The following ADAD1 variants were observed in gnomAD, a reference collection of about 807,000 sequenced individuals.
ADAD1 encodes adenosine deaminase domain-containing protein 1.
In ADAD1, 46 loss-of-function variants were observed where a neutral mutation model predicts 66.8. The ratio of observed to expected loss-of-function variants is 0.69; its 90% CI spans 0.54 to 0.88. The LOEUF is 0.88. Ranked by LOEUF, ADAD1 falls within the 40% of genes least tolerant of loss-of-function variation. ADAD1 has a pLI of 0.00. For missense variants in ADAD1, 617 were observed against 681.8 expected, an observed-to-expected ratio of 0.91 and a Z score of 1.06; for synonymous variants, 248 against 229.4, an observed-to-expected ratio of 1.08 and a Z score of -0.73.
chr4:122,412,898 T>C, intron 10 of ADAD1, 89 bp downstream of exon 10: 1 of 1,094,700 alleles, frequency 9.1e-7, no homozygotes, highest in Non-Finnish European at 1.3e-6. Context: ...AGTTTTAGTT[T>C]TTGCATACGT....
In ADAD1 at chr4:122,393,490, A is replaced by G. The variant is rs1795551475; in HGVS notation, c.530-99A>G. 4 of 1,153,786 alleles carry G rather than the reference A, an allele frequency of 3.5e-6. No homozygotes were observed. In the East Asian group the frequency reaches 1.0e-4, roughly 29 times the overall value. The allele number at this position is 1,153,786 out of a possible 1,614,324, so 71.5% of individuals were successfully genotyped here. A position where few individuals can be genotyped will look rare whatever the true frequency, so the allele number is the denominator to read the frequency against. ...CAGAGTTGGCAAAAATACGGAAAAA[A>G]AAATTTTTGGATTGCTGTTTTATTA... On this transcript the variant is annotated intron_variant, in intron 5 of 12. Coordinates refer to ENST00000296513, the MANE Select transcript of ADAD1 (RefSeq NM_139243.4).
In ADAD1 at chr4:122,383,859, C is replaced by T; in HGVS notation, c.422C>T (p.Thr141Ile). The part of the protein sequence containing the change: ...CAVVDGIQYK[T>I]GLGQNKKESR... The stretch of plus-strand genomic sequence containing the variant: ...GTGGTGGATGGTATTCAGTACAAGA[C>T]TGGACTGGGACAAAATAAAAAGGAG... Residue 141 changes from threonine (T) to isoleucine (I), a missense_variant, in exon 5 of 13, where the codon ACT (threonine) becomes ATT (isoleucine). By Grantham distance (89) the Thr-to-Ile change is moderately conservative (BLOSUM62 -1). Coordinates refer to ENST00000296513, the MANE Select transcript of ADAD1 (RefSeq NM_139243.4). 6.2e-7 allele frequency: 1 copy of T among 1,613,932 alleles called. No homozygotes were observed. The highest frequency in any genetic ancestry group is 8.5e-7 in the Non-Finnish European group (1 of 1,179,912).
At chr4:122,382,109 G>C (rs896732571) in intron 4 of ADAD1, among the ~76,000 whole-genome samples, 1 of 152,146 alleles carries the variant, frequency 6.6e-6, no homozygotes, top group Admixed American at 6.5e-5. Flanking sequence ...CTTAATTTCC[G>C]TGTAACTAGT....
intron 10 of ADAD1, among the ~76,000 whole-genome samples, chr4:122,413,997 A>T (rs1396338807): frequency 6.7e-6 from 1 of 150,068 alleles, no homozygotes; most frequent in African/African-American, 2.4e-5. Flanking sequence ...TTTTTCAATT[A>T]TATGGTATAA....
chr4:122,380,469 C>A (rs1437069991), intron 3 of ADAD1: 7 of 521,664 alleles, frequency 1.3e-5, no homozygotes, highest in East Asian at 3.4e-5. Flanking sequence ...TCAAACCCCC[C>A]CCTTCAAGTG....
chr4:122,379,325 G>A (rs1794752218), intron 1 of ADAD1, 47 bp from the exon 2 acceptor site: 1 of 152,402 alleles, frequency 6.6e-6, no homozygotes, highest in African/African-American at 2.4e-5. Flanking sequence ...GGAGAACAGA[G>A]TCACCCAGGC....
In ADAD1 at chr4:122,407,944, A is replaced by C; in HGVS notation, c.761A>C (p.Glu254Ala). 1 of 1,613,834 alleles carries C rather than the reference A, an allele frequency of 6.2e-7. No homozygotes were observed. The highest frequency in any genetic ancestry group is 8.5e-7 in the Non-Finnish European group (1 of 1,179,802). ...GAGGTTGTAGCTATAGGCACAGGTG[A>C]ATACAATTACAGCCAGGACATTAAG... Reference protein sequence around the residue: ...QHEVVAIGTGEYNYSQDIKPD... With the variant: ...QHEVVAIGTGAYNYSQDIKPD... Residue 254 changes from glutamate (E) to alanine (A), a missense_variant, in exon 8 of 13, where the codon GAA (glutamate) becomes GCA (alanine). Physicochemically the swap from Glu to Ala is moderately radical, Grantham distance 107 (BLOSUM62 -1). Transcript: ENST00000296513.
chr4:122,415,598 G>A lies in ADAD1; in HGVS notation c.1469G>A (p.Ser490Asn), dbSNP rs757153184. 2 of 1,613,526 alleles carry A rather than the reference G, an allele frequency of 1.2e-6. No individual in the cohort carries two copies. Among genetic ancestry groups the A allele is most frequent in the South Asian group, 2.2e-5 (2 of 91,028 alleles). Reference sequence around the variant, plus strand: ...TCTTTGGAGATTGTGGATGGCCTGAGTGGGAAGATCACTGAAAGGTTAAAA... The same window carrying A: ...TCTTTGGAGATTGTGGATGGCCTGAATGGGAAGATCACTGAAAGGTTAAAA... Reference protein sequence around the residue: ...DVSLEIVDGLSGKITESSPFK... With the variant: ...DVSLEIVDGLNGKITESSPFK... The change falls in exon 11 of 13, where the codon AGT becomes AAT. Residue 490 changes from serine (S) to asparagine (N), a missense_variant. Transcript: ENST00000296513.
At chr4:122,389,125 C>G (rs1054503578) in intron 5 of ADAD1, among the ~76,000 whole-genome samples, 10 of 151,972 alleles carry the variant, frequency 6.6e-5, no homozygotes, top group Non-Finnish European at 1.2e-4. Flanking sequence ...CATTATTTAC[C>G]CAGGAGTCAT....
intron 12 of ADAD1, among the ~76,000 whole-genome samples, chr4:122,422,855 G>A (rs906748083): frequency 2.6e-5 from 4 of 151,532 alleles, no homozygotes; most frequent in African/African-American, 9.7e-5. Flanking sequence ...GGGAGGCTGA[G>A]GTGGGAGGAT....
chr4:122,393,809 T>C, intron 6 of ADAD1, 152 bp downstream of exon 6: 1 of 532,870 alleles, frequency 1.9e-6, no homozygotes, highest in South Asian at 5.7e-5. Flanking sequence ...AATTTTTTTC[T>C]ATACTATGCT....
intron 11 of ADAD1, among the ~76,000 whole-genome samples, chr4:122,418,974 T>C (rs1035906893): frequency 6.6e-6 from 1 of 152,186 alleles, no homozygotes; most frequent in African/African-American, 2.4e-5. Flanking sequence ...GTGTGGCAAT[T>C]CCTCAAAGAC....
intron 6 of ADAD1, among the ~76,000 whole-genome samples, chr4:122,395,671 A>G (rs1580757165): frequency 6.6e-6 from 1 of 152,212 alleles, no homozygotes; most frequent in East Asian, 1.9e-4. Context: ...TCTCAAAAAA[A>G]AAAAAAGGAT....
At chr4:122,386,684 C>G (rs1307452136) in intron 5 of ADAD1, among the ~76,000 whole-genome samples, 1 of 152,164 alleles carries the variant, frequency 6.6e-6, no homozygotes, top group South Asian at 2.1e-4. Context: ...ACATTTAAGT[C>G]TTTAATCCAT....
At chr4:122,408,352 T>C (rs1041065003) in intron 8 of ADAD1, among the ~76,000 whole-genome samples, 1 of 152,218 alleles carries the variant, frequency 6.6e-6, no homozygotes, top group Admixed American at 6.5e-5. Flanking sequence ...CTCGGCTTAC[T>C]GCAACCTCTG....
At chr4:122,381,844 A>G (rs1215091673) in intron 4 of ADAD1, among the ~76,000 whole-genome samples, 1 of 152,128 alleles carries the variant, frequency 6.6e-6, no homozygotes, top group Non-Finnish European at 1.5e-5. Flanking sequence ...AACTTTGTGT[A>G]TATGTACATG....
intron 11 of ADAD1, among the ~76,000 whole-genome samples, chr4:122,416,250 A>C (rs1796728231): frequency 6.6e-6 from 1 of 152,204 alleles, no homozygotes; most frequent in Non-Finnish European, 1.5e-5. Flanking sequence ...CTTGTTCTTA[A>C]CTATGATGTT....
intron 12 of ADAD1, among the ~76,000 whole-genome samples, chr4:122,423,074 C>T (rs1194369980): frequency 6.6e-6 from 1 of 151,662 alleles, no homozygotes; most frequent in Non-Finnish European, 1.5e-5. Context: ...TTCATTTTCT[C>T]ATTCTCATTT....
chr4:122,424,687 G>A (rs1010194644), intron 12 of ADAD1, among the ~76,000 whole-genome samples: 24 of 152,096 alleles, frequency 1.6e-4, no homozygotes, highest in Admixed American at 1.4e-3. Flanking sequence ...AAAGACATAA[G>A]ATGTGAGAAA....
Sources: allele counts gnomAD v4.1 joint callset (sites outside exome capture counted in the v4.1 genomes callset), GRCh38; gene constraint gnomAD v4.1.1; transcripts MANE v1.5; gene names NCBI Gene and HGNC (gene_info 2026-07-23, HGNC 2026-07-21).